The following KCTD20 variants were observed in gnomAD, a reference collection of about 807,000 sequenced individuals.
The protein encoded by KCTD20 is potassium channel tetramerization domain containing 20, also known as BTB/POZ domain-containing protein KCTD20.
A neutral mutation model predicts 39.6 loss-of-function variants in KCTD20; 30 were observed. The ratio of observed to expected loss-of-function variants is 0.76; its 90% CI spans 0.57 to 1.03. KCTD20 has a LOEUF of 1.03. KCTD20 is among the 50% of genes least tolerant of loss of function. KCTD20 has a pLI of 0.00. For missense variants in KCTD20, 422 were observed against 522.0 expected (o/e 0.81, Z 1.87); for synonymous variants, 162 against 180.6 (o/e 0.90, Z 0.83).
At chr6:36,486,158 T>A (rs962653554) in intron 7 of KCTD20, among the ~76,000 whole-genome samples, 1 of 152,166 alleles carries the variant, frequency 6.6e-6, no homozygotes, top group Non-Finnish European at 1.5e-5. Context: ...TCCTCCTGCC[T>A]TGGCCTCCCA....
chr6:36,450,107 T>G (rs1350222630), intron 1 of KCTD20, among the ~76,000 whole-genome samples: 2 of 139,716 alleles, frequency 1.4e-5, no homozygotes. Flanking sequence ...GAGCTTGCAG[T>G]GAGCCGAGAT....
At chr6:36,450,163 TAAAAAAAAA>T (rs576681021) in intron 1 of KCTD20, among the ~76,000 whole-genome samples, 25 of 105,864 alleles carry the variant, frequency 2.4e-4, no homozygotes, top group African/African-American at 8.6e-4. Context: ...GACTCCGTCC[TAAAAAAAAA>T]AAAAAAAAAA....
intron 1 of KCTD20, among the ~76,000 whole-genome samples, chr6:36,460,885 G>A (rs777415262): frequency 6.6e-6 from 1 of 152,018 alleles, no homozygotes; most frequent in Non-Finnish European, 1.5e-5. Flanking sequence ...CCAGAAGTCT[G>A]GCTCCACTGC....
chr6:36,474,436 G>C (rs1307992940), intron 2 of KCTD20, among the ~76,000 whole-genome samples: 1 of 152,094 alleles, frequency 6.6e-6, no homozygotes, highest in African/African-American at 2.4e-5. Context: ...GAAGGTATAG[G>C]GAATAGCAGG....
intron 1 of KCTD20, among the ~76,000 whole-genome samples, chr6:36,466,674 G>A (rs796265766): frequency 3.8e-4 from 57 of 151,914 alleles, no homozygotes; most frequent in Admixed American, 2.3e-3. Flanking sequence ...GAGCCACTGC[G>A]CCTTGCCTTT....
chr6:36,443,934 G>T (rs1473354666), intron 1 of KCTD20, among the ~76,000 whole-genome samples: 1 of 152,124 alleles, frequency 6.6e-6, no homozygotes, highest in Non-Finnish European at 1.5e-5. Context: ...GTTCCTGTTC[G>T]CTGTGCGAGA....
rs1244086957 is a variant in KCTD20 at position 36,487,669 on chromosome 6, G to T, written c.*494G>T. On this transcript the variant is annotated 3_prime_UTR_variant, in exon 8 of 8. Coordinates refer to ENST00000373731, the MANE Select transcript of KCTD20 (RefSeq NM_173562.5). ...GAGGTTAATGAAGATGCCATTCTTG[G>T]TGGCCTCTGCACCCAAATTGCATCT... 6.5e-6 allele frequency: 1 copy of T among 153,166 alleles called. No homozygotes were observed. Among genetic ancestry groups the T allele is most frequent in the Non-Finnish European group, 1.5e-5 (1 of 68,468 alleles). 9.5% of individuals were successfully genotyped at this position (153,166 alleles called of 1,614,324 possible).
chr6:36,484,722 A>G lies in KCTD20; in HGVS notation c.865A>G (p.Ser289Gly). 6.4e-7 allele frequency: 1 copy of G among 1,556,546 alleles called. No individual in the cohort carries two copies. Among genetic ancestry groups the G allele is most frequent in the African/African-American group, 1.4e-5 (1 of 72,986 alleles). Residue 289 changes from serine (S) to glycine (G), a missense_variant, in exon 7 of 8, where the codon AGC (serine) becomes GGC (glycine). Transcript: ENST00000373731. ...TATTTTTTCTTTTTCAGTTCTTTAT[A>G]GCTCCAAGCTCTACAGATTCTTCAA... is the stretch of plus-strand genomic sequence containing the variant. ...MGEEYSQILY[S>G]SKLYRFFKYI...
chr6:36,484,949 A>G (rs1958279464), intron 7 of KCTD20, 125 bp downstream of exon 7: 2 of 609,804 alleles, frequency 3.3e-6, no homozygotes, highest in Non-Finnish European at 6.0e-6. Flanking sequence ...TTCTTACTCA[A>G]GTTTGAATGT....
rs535690470 is a variant in KCTD20, at chr6:36,488,718, A to G, written c.*1543A>G. On this transcript the variant is annotated 3_prime_UTR_variant, in exon 8 of 8. Transcript: ENST00000373731. The stretch of plus-strand genomic sequence containing the variant: ...TGGATTTGGGATGCTCATCCTGTGT[A>G]GGAGAGGCTACTCGATTCCATTTAA... 6.6e-6 allele frequency: 1 copy of G among 152,346 alleles called. No individual in the cohort carries two copies. Among genetic ancestry groups the G allele is most frequent in the African/African-American group, 2.4e-5 (1 of 41,566 alleles). The allele number at this position is 152,346 out of a possible 1,614,324, so 9.4% of individuals were successfully genotyped here.
At chr6:36,464,021 A>G (rs756892003) in intron 1 of KCTD20, among the ~76,000 whole-genome samples, 1 of 152,232 alleles carries the variant, frequency 6.6e-6, no homozygotes, top group Non-Finnish European at 1.5e-5. Context: ...TGATTGAATA[A>G]AAAGAGAAAC....
At chr6:36,448,753 C>G (rs1047261427) in intron 1 of KCTD20, among the ~76,000 whole-genome samples, 3 of 152,206 alleles carry the variant, frequency 2.0e-5, no homozygotes, top group African/African-American at 7.2e-5. Context: ...TCACTGACTT[C>G]AAGAATGAAG....
chr6:36,473,888 T>G (rs1338842544), intron 2 of KCTD20, among the ~76,000 whole-genome samples: 1 of 152,200 alleles, frequency 6.6e-6, no homozygotes, highest in Non-Finnish European at 1.5e-5. Flanking sequence ...CTAATGCCAT[T>G]TGCACTGGAA....
chr6:36,487,251 G>T lies in KCTD20; in HGVS notation c.*76G>T, dbSNP rs974879761. 5.5e-6 allele frequency: 8 copies of T among 1,453,792 alleles called. No homozygotes were observed. Among genetic ancestry groups the T allele is most frequent in the Non-Finnish European group, 7.5e-6 (8 of 1,064,848 alleles). 90.1% of individuals were successfully genotyped at this position (1,453,792 alleles called of 1,614,324 possible). On this transcript the variant is annotated 3_prime_UTR_variant, in exon 8 of 8. Coordinates refer to ENST00000373731, the MANE Select transcript of KCTD20 (RefSeq NM_173562.5). ...TGCAGCCAGCCCTCCCTCGTGATTT[G>T]TCTCACCTTGAGTAGGAGACATGCT...
intron 1 of KCTD20, among the ~76,000 whole-genome samples, chr6:36,463,623 A>T (rs969613129): frequency 2.0e-5 from 3 of 152,188 alleles, no homozygotes; most frequent in Non-Finnish European, 4.4e-5. Context: ...TAGGCCTTAT[A>T]AAAGGGAATT....
intron 3 of KCTD20, among the ~76,000 whole-genome samples, chr6:36,477,057 C>T (rs965789670): frequency 3.9e-5 from 6 of 152,132 alleles, no homozygotes; most frequent in Non-Finnish European, 4.4e-5. Flanking sequence ...GAGTCTGGTT[C>T]TTTATCTGTA....
intron 1 of KCTD20, among the ~76,000 whole-genome samples, chr6:36,465,387 GTT>G (rs201281656): frequency 2.5e-5 from 3 of 120,188 alleles, no homozygotes; most frequent in Non-Finnish European, 3.6e-5. Context: ...GTTTTTTTTT[GTT>G]TTTTTTTTTT....
intron 1 of KCTD20, among the ~76,000 whole-genome samples, chr6:36,444,920 G>T (rs1274729838): frequency 6.6e-6 from 1 of 152,130 alleles, no homozygotes; most frequent in African/African-American, 2.4e-5. Context: ...AAGAAGTTAA[G>T]AAATACATTG....
intron 1 of KCTD20, among the ~76,000 whole-genome samples, chr6:36,460,525 G>A (rs565802877): frequency 3.3e-5 from 5 of 152,080 alleles, no homozygotes; most frequent in Non-Finnish European, 7.4e-5. Flanking sequence ...GGCTGGTTTC[G>A]AACTGCTGAC....
Sources: gnomAD v4.1 joint callset for allele counts (sites outside exome capture counted in the v4.1 genomes callset) on GRCh38, gnomAD v4.1.1 for gene constraint, MANE v1.5 for transcripts, NCBI Gene and HGNC (gene_info 2026-07-23, HGNC 2026-07-21) for gene names.